Variants in RBM47 observed in about 807,000 individuals in gnomAD.
RBM47 encodes the protein RNA-binding protein 47.
A neutral mutation model predicts 47.1 loss-of-function variants in RBM47; 21 were observed. That is an observed-to-expected ratio of 0.45 (90% CI 0.32 to 0.64). The LOEUF (loss-of-function observed/expected upper bound fraction) is 0.64, where lower values mean the gene tolerates loss of function less well. Among genes scored for constraint, RBM47 ranks in the 30% least tolerant of loss-of-function variants. The probability of loss-of-function intolerance (pLI) is 0.05; values close to 1 mark genes in which losing one functional copy is unlikely to be tolerated. For synonymous variants in RBM47, 375 were observed against 361.7 expected, an observed-to-expected ratio of 1.04 and a Z score of -0.42; for missense variants, 708 against 870.9, an observed-to-expected ratio of 0.81 and a Z score of 2.35.
chr4:40,605,179 C>T (rs1212193631), intron 1 of RBM47, among the ~76,000 whole-genome samples: 4 of 151,878 alleles, frequency 2.6e-5, no homozygotes, highest in Middle Eastern at 3.4e-3. Flanking sequence ...CCCGCCACCG[C>T]GCCCAGCTAA....
chr4:40,599,435 T>C (rs1380547725), intron 1 of RBM47, among the ~76,000 whole-genome samples: 2 of 152,096 alleles, frequency 1.3e-5, no homozygotes, highest in African/African-American at 4.8e-5. Context: ...GTCTGTAAAC[T>C]CTCTGACACT....
chr4:40,424,516 C>T lies in RBM47; in HGVS notation c.*1388G>A, dbSNP rs1010751081. 6.6e-6 allele frequency: 1 copy of T among 152,338 alleles called. No homozygotes were observed. Among genetic ancestry groups the T allele is most frequent in the African/African-American group, 2.4e-5 (1 of 41,384 alleles). The allele number at this position is 152,338 out of a possible 1,614,324, so 9.4% of individuals were successfully genotyped here. A position where few individuals can be genotyped will look rare whatever the true frequency, so the allele number is the denominator to read the frequency against. ...TTTCATTTTGCATTAAACTACATAC[C>T]ATGAACTTCTCCAACATAAAAGGAC... On this transcript the variant is annotated 3_prime_UTR_variant, in exon 7 of 7. Coordinates refer to ENST00000295971, the MANE Select transcript of RBM47 (RefSeq NM_001098634.2).
chr4:40,619,456 G>A (rs1344863208), intron 1 of RBM47, among the ~76,000 whole-genome samples: 1 of 152,108 alleles, frequency 6.6e-6, no homozygotes, highest in Non-Finnish European at 1.5e-5. Flanking sequence ...CTTAGGCCTG[G>A]AGTAACAAAA....
intron 1 of RBM47, among the ~76,000 whole-genome samples, chr4:40,579,493 G>A (rs1732680550): frequency 6.6e-6 from 1 of 150,638 alleles, no homozygotes; most frequent in African/African-American, 2.4e-5. Context: ...AGATTCTCTA[G>A]GTAAAACTCT....
At chr4:40,451,184 C>CAAAAAAAA (rs958122281) in intron 3 of RBM47, among the ~76,000 whole-genome samples, 2 of 51,472 alleles carry the variant, frequency 3.9e-5, no homozygotes, top group African/African-American at 6.1e-5. Flanking sequence ...CAGTAGCTAC[C>CAAAAAAAA]AAAAAAAAAA....
chr4:40,499,958 T>C lies in RBM47; in HGVS notation c.-154-33259A>G, dbSNP rs1053488955. ...ATAACATAAATCCCTAAAACACCTT[T>C]GTATTTGGGGTATCCCAAAGCTACT... On this transcript the variant is annotated intron_variant, in intron 2 of 6. Coordinates refer to ENST00000295971, the MANE Select transcript of RBM47 (RefSeq NM_001098634.2). Among the ~76,000 whole-genome samples the C allele has an allele frequency of 3.9e-5, 6 of 152,248 alleles. No individual in the cohort carries two copies. In the South Asian group the frequency reaches 1.2e-3, roughly 31 times the overall value.
At chr4:40,553,973 T>C (rs1238275199) in intron 1 of RBM47, among the ~76,000 whole-genome samples, 1 of 152,092 alleles carries the variant, frequency 6.6e-6, no homozygotes, top group Admixed American at 6.6e-5. Context: ...TGAAACTGAG[T>C]ACGCAAGTGC....
At chr4:40,471,992 T>C (rs150495985) in intron 2 of RBM47, among the ~76,000 whole-genome samples, 23 of 152,312 alleles carry the variant, frequency 1.5e-4, no homozygotes, top group African/African-American at 4.6e-4. Flanking sequence ...TAATCCTTCA[T>C]ATAGCACTAG....
At chr4:40,601,994 C>T (rs1241780412) in intron 1 of RBM47, among the ~76,000 whole-genome samples, 1 of 151,994 alleles carries the variant, frequency 6.6e-6, no homozygotes, top group Non-Finnish European at 1.5e-5. Context: ...CATGGTGAAA[C>T]TCTGTCTCTA....
At chr4:40,428,486 A>C (rs1560344414) in intron 6 of RBM47, among the ~76,000 whole-genome samples, 1 of 152,160 alleles carries the variant, frequency 6.6e-6, no homozygotes, top group African/African-American at 2.4e-5. Flanking sequence ...AACCAGGGAG[A>C]GGAGCTCCAG....
intron 1 of RBM47, among the ~76,000 whole-genome samples, chr4:40,577,874 G>A (rs1033056404): frequency 1.3e-5 from 2 of 152,164 alleles, no homozygotes; most frequent in South Asian, 2.1e-4. Context: ...AGCTAGGAGC[G>A]GTGGTGCGTG....
chr4:40,575,991 T>C (rs930252014), intron 1 of RBM47, among the ~76,000 whole-genome samples: 6 of 152,144 alleles, frequency 3.9e-5, no homozygotes, highest in East Asian at 1.9e-4. Flanking sequence ...CAGGAGGGCA[T>C]TGTTAATAGC....
intron 1 of RBM47, among the ~76,000 whole-genome samples, chr4:40,594,984 T>C (rs1734620379): frequency 6.6e-6 from 1 of 152,210 alleles, no homozygotes. Context: ...TGCCACGCAA[T>C]AGACATTCCT....
rs536305581 is a variant in RBM47, at chr4:40,460,865, G to A, written c.-32+5712C>T. On this transcript the variant is annotated intron_variant, in intron 3 of 6. Transcript: ENST00000295971. ...ATCGCACCACTGCACTCCAGCCTGG[G>A]TGACAGAGTTAAGACTCTGTCTCAA... 3.7e-5 allele frequency among the ~76,000 whole-genome samples: 5 copies of A among 135,078 alleles called. No homozygotes were observed. The South Asian group carries it at 1.2e-3, about 33-fold the overall frequency. 88.6% of individuals were successfully genotyped at this position (135,078 alleles called of 152,430 possible).
intron 2 of RBM47, among the ~76,000 whole-genome samples, chr4:40,538,865 C>T (rs1355554130): frequency 6.7e-6 from 1 of 149,744 alleles, no homozygotes; most frequent in Non-Finnish European, 1.5e-5. Flanking sequence ...GAACTCCTGA[C>T]CTCAAAAGAT....
chr4:40,509,691 C>T (rs903847741), intron 2 of RBM47, among the ~76,000 whole-genome samples: 2 of 150,280 alleles, frequency 1.3e-5, no homozygotes, highest in African/African-American at 4.9e-5. Flanking sequence ...ACCATCCTGG[C>T]CAACACGGTG....
chr4:40,445,684 A>C (rs2154216971), intron 3 of RBM47, among the ~76,000 whole-genome samples: 1 of 152,202 alleles, frequency 6.6e-6, no homozygotes, highest in East Asian at 1.9e-4. Flanking sequence ...AGGGTCATAC[A>C]CCTCAACATT....
chr4:40,472,925 G>A (rs889459108), intron 2 of RBM47, among the ~76,000 whole-genome samples: 2 of 152,104 alleles, frequency 1.3e-5, no homozygotes, highest in African/African-American at 4.8e-5. Flanking sequence ...GACTTGAAAT[G>A]GAGGAATTTT....
intron 1 of RBM47, among the ~76,000 whole-genome samples, chr4:40,614,717 G>A (rs1736565014): frequency 6.6e-6 from 1 of 151,488 alleles, no homozygotes; most frequent in African/African-American, 2.4e-5. Context: ...TGCAGTCCCA[G>A]CTACTGAGGA....
Sources: allele counts gnomAD v4.1 joint callset (sites outside exome capture counted in the v4.1 genomes callset), GRCh38; gene constraint gnomAD v4.1.1; transcripts MANE v1.5; gene names NCBI Gene and HGNC (gene_info 2026-07-23, HGNC 2026-07-21).